RELN: variants seen among roughly 807,000 people sequenced by gnomAD.
RELN encodes reelin.
In RELN, 108 loss-of-function variants were observed where a neutral mutation model predicts 427.6. That is an observed-to-expected ratio of 0.25 (90% CI 0.22 to 0.30). The LOEUF is 0.30. Ranked by LOEUF, RELN falls within the 10% of genes least tolerant of loss-of-function variation. RELN has a pLI of 1.00. For missense variants in RELN, 3,715 were observed against 4,302.8 expected (o/e 0.86, Z 3.82); for synonymous variants, 1,524 against 1,513.4 (o/e 1.01, Z -0.16).
chr7:103,827,654 T>C (rs1007050447), intron 3 of RELN, among the ~76,000 whole-genome samples: 1 of 151,952 alleles, frequency 6.6e-6, no homozygotes, highest in East Asian at 1.9e-4. Flanking sequence ...CAGGGGCTTA[T>C]GGGGAAGTGA....
At chr7:103,519,799 C>T (rs922751756) in intron 48 of RELN, among the ~76,000 whole-genome samples, 9 of 152,032 alleles carry the variant, frequency 5.9e-5, no homozygotes, top group African/African-American at 2.2e-4. Context: ...GGTCTTAACT[C>T]CTGGGCTCAA....
intron 8 of RELN, among the ~76,000 whole-genome samples, chr7:103,704,838 G>A (rs1834166937): frequency 6.6e-6 from 1 of 152,024 alleles, no homozygotes; most frequent in African/African-American, 2.4e-5. Context: ...CTCCATCCAG[G>A]CTTCTACTCT....
chr7:103,666,916 T>C (rs774751008), intron 11 of RELN, among the ~76,000 whole-genome samples: 12 of 152,216 alleles, frequency 7.9e-5, no homozygotes, highest in Non-Finnish European at 1.6e-4. Flanking sequence ...ATCAGTTCTA[T>C]CTGTCATCTG....
In RELN at chr7:103,837,343, A is replaced by C. The variant is rs113310624; in HGVS notation, c.338-3671T>G. On this transcript the variant is annotated intron_variant, in intron 2 of 64. Transcript: ENST00000428762. Reference sequence around the variant, plus strand: ...TTAGCATCAGTTAGAAGGTTTGGGAAAATCTGACCCCTACTTGCTCTCCCT... The same window carrying C: ...TTAGCATCAGTTAGAAGGTTTGGGACAATCTGACCCCTACTTGCTCTCCCT... 8.5e-3 allele frequency among the ~76,000 whole-genome samples: 1,287 copies of C among 152,306 alleles called. 16 individuals are homozygous for C. Among genetic ancestry groups the C allele is most frequent in the African/African-American group, 0.029 (1,196 of 41,574 alleles).
At chr7:103,816,888 G>A (rs1012676841) in intron 3 of RELN, among the ~76,000 whole-genome samples, 1 of 151,890 alleles carries the variant, frequency 6.6e-6, no homozygotes, top group Non-Finnish European at 1.5e-5. Context: ...GTCTTGCTGC[G>A]ATGCCCAGGC....
intron 1 of RELN, among the ~76,000 whole-genome samples, chr7:103,981,947 A>G (rs1043314377): frequency 3.9e-5 from 6 of 152,298 alleles, no homozygotes; most frequent in Non-Finnish European, 8.8e-5. Flanking sequence ...CAGGTGGACC[A>G]TCTGAGGTCA....
intron 4 of RELN, among the ~76,000 whole-genome samples, chr7:103,765,111 C>T (rs1178664418): frequency 2.3e-4 from 35 of 151,880 alleles, no homozygotes; most frequent in Non-Finnish European, 4.4e-5. Flanking sequence ...AAGAAGGAAA[C>T]ATGGCCGGGG....
At chr7:103,723,706 A>T (rs2115910773) in intron 7 of RELN, among the ~76,000 whole-genome samples, 1 of 152,326 alleles carries the variant, frequency 6.6e-6, no homozygotes, top group Admixed American at 6.5e-5. Flanking sequence ...GTGTGATGAA[A>T]TGGTCTAAAA....
In RELN at chr7:103,476,765, CATTT is replaced by C. The variant is rs550276186; in HGVS notation, c.10286+1620_10286+1623del. ...CATTGGGAATTAGGGGAATTTTTAA[CATTT>C]ATCTTATATTTACTCATTTTTTGGT... On this transcript the variant is annotated intron_variant, in intron 64 of 64. Transcript: ENST00000428762. 172 of 379,208 alleles carry C rather than the reference CATTT, an allele frequency of 4.5e-4. 1 individual carries two copies. The highest frequency in any genetic ancestry group is 3.1e-3 in the African/African-American group (149 of 48,352). The allele number at this position is 379,208 out of a possible 1,614,324, so 23.5% of individuals were successfully genotyped here.
rs1797180598 is a variant in RELN at position 103,989,465 on chromosome 7, G to C, written c.-109C>G. ...GCGGAGAGAAGGCGAGAAGAAGGCG[G>C]ACGGGAGCGGAACGGGCTCGGGAGC... On this transcript the variant is annotated 5_prime_UTR_variant, in exon 1 of 65. Transcript: ENST00000428762. The surrounding 1 kb of genome is among the most constrained non-coding windows in gnomAD (Gnocchi z 4.9). 4.1e-6 allele frequency: 4 copies of C among 978,090 alleles called. No individual in the cohort carries two copies. Among genetic ancestry groups the C allele is most frequent in the South Asian group, 2.5e-5 (1 of 39,372 alleles). The allele number at this position is 978,090 out of a possible 1,614,324, so 60.6% of individuals were successfully genotyped here.
intron 38 of RELN, among the ~76,000 whole-genome samples, chr7:103,555,021 C>A (rs1254656380): frequency 1.3e-5 from 2 of 152,046 alleles, no homozygotes; most frequent in Non-Finnish European, 2.9e-5. Flanking sequence ...TCCATGTTTT[C>A]TTAATGTTTT....
rs1430862478 is a variant in RELN at position 103,968,499 on chromosome 7, T to C, written c.226+20632A>G. On this transcript the variant is annotated intron_variant, in intron 1 of 64. Coordinates refer to ENST00000428762, the MANE Select transcript of RELN (RefSeq NM_005045.4). This position sits in a 1 kb window ranked among gnomAD's most constrained non-coding sequence, Gnocchi z 4.3. The stretch of plus-strand genomic sequence containing the variant: ...AGAAATTAGGGGACAGAAAAAAAAA[T>C]AAAAGTATGAAAGAAATTGTAAAAG... 6.6e-6 allele frequency among the ~76,000 whole-genome samples: 1 copy of C among 151,580 alleles called. No individual in the cohort carries two copies. Among genetic ancestry groups the C allele is most frequent in the African/African-American group, 2.4e-5 (1 of 41,226 alleles).
At chr7:103,705,446 A>C (rs1385539336) in intron 8 of RELN, among the ~76,000 whole-genome samples, 1 of 152,232 alleles carries the variant, frequency 6.6e-6, no homozygotes, top group Admixed American at 6.5e-5. Flanking sequence ...TACTATGATG[A>C]AGTAATGAGA....
At chr7:103,511,978 G>C (rs1829432474) in intron 50 of RELN, among the ~76,000 whole-genome samples, 1 of 152,200 alleles carries the variant, frequency 6.6e-6, no homozygotes, top group Admixed American at 6.5e-5. Flanking sequence ...TCTTTTGTGT[G>C]TGTGGTTTTT....
chr7:103,987,558 A>T (rs1392681891), intron 1 of RELN, among the ~76,000 whole-genome samples: 1 of 152,174 alleles, frequency 6.6e-6, no homozygotes, highest in African/African-American at 2.4e-5. Context: ...CGCCTTTGAG[A>T]CCAGCCTCAC....
chr7:103,899,256 C>T lies in RELN; in HGVS notation c.337+17819G>A, dbSNP rs111941282. Among the ~76,000 whole-genome samples the T allele has an allele frequency of 2.6e-3, 396 of 152,000 alleles. 1 individual carries two copies. Among genetic ancestry groups the T allele is most frequent in the African/African-American group, 9.2e-3 (381 of 41,480 alleles). ...GACTAAACCAGGAAGAAGTAGAATC[C>T]CTGAATAAACCACAAACAAGTTCTG... On this transcript the variant is annotated intron_variant, in intron 2 of 64. Coordinates refer to ENST00000428762, the MANE Select transcript of RELN (RefSeq NM_005045.4).
intron 11 of RELN, among the ~76,000 whole-genome samples, chr7:103,666,871 A>G (rs1833278945): frequency 6.6e-6 from 1 of 152,114 alleles, no homozygotes; most frequent in East Asian, 1.9e-4. Context: ...TTTATGGAGA[A>G]GGAGCTCTTC....
intron 1 of RELN, among the ~76,000 whole-genome samples, chr7:103,923,239 T>A (rs1232544612): frequency 6.6e-6 from 1 of 152,148 alleles, no homozygotes; most frequent in Non-Finnish European, 1.5e-5. Flanking sequence ...ATCAACACTG[T>A]ATGTTCAACT....
intron 42 of RELN, among the ~76,000 whole-genome samples, 185 bp from the exon 43 acceptor site, chr7:103,543,063 C>G (rs917132124): frequency 2.0e-5 from 3 of 152,174 alleles, no homozygotes; most frequent in African/African-American, 7.2e-5. Flanking sequence ...TTAGCCTTGG[C>G]TGGAATAATT....
Sources: allele counts gnomAD v4.1 joint callset (sites outside exome capture counted in the v4.1 genomes callset), GRCh38; gene constraint gnomAD v4.1.1; non-coding constraint Gnocchi (gnomAD v3.1); transcripts MANE v1.5; gene names NCBI Gene and HGNC (gene_info 2026-07-23, HGNC 2026-07-21).